CACNA1C: variants seen among roughly 807,000 people sequenced by gnomAD.
CACNA1C encodes calcium voltage-gated channel subunit alpha1 C.
Under a neutral mutation model 229.0 loss-of-function variants are expected in CACNA1C, and 30 were observed. The observed-to-expected ratio is 0.13, with a 90% CI of 0.10 to 0.18. CACNA1C has a LOEUF of 0.18. CACNA1C is among the 10% of genes least tolerant of loss of function. The pLI is 1.00. For synonymous variants in CACNA1C, 1,114 were observed against 1,132.5 expected (o/e 0.98, Z 0.33); for missense variants, 1,658 against 2,845.0 (o/e 0.58, Z 9.49).
intron 8 of CACNA1C, among the ~76,000 whole-genome samples, chr12:2,509,065 A>G (rs1422709897): frequency 6.6e-6 from 1 of 152,220 alleles, no homozygotes; most frequent in Non-Finnish European, 1.5e-5. Flanking sequence ...GTGCGCCTCC[A>G]GTTGGCAAGA....
At chr12:2,236,414 A>C (rs1215132791) in intron 3 of CACNA1C, among the ~76,000 whole-genome samples, 1 of 152,230 alleles carries the variant, frequency 6.6e-6, no homozygotes, top group Non-Finnish European at 1.5e-5. Flanking sequence ...GAGCTCTTTC[A>C]GCAATAGAAT....
chr12:2,239,889 G>A (rs144339000), intron 3 of CACNA1C, among the ~76,000 whole-genome samples: 101 of 152,328 alleles, frequency 6.6e-4, no homozygotes, highest in African/African-American at 2.4e-3. Context: ...GATGGCCAGG[G>A]GAGTGGGATG....
chr12:2,019,745 A>G (rs1461581290), intron 1 of CACNA1C, among the ~76,000 whole-genome samples: 3 of 152,188 alleles, frequency 2.0e-5, no homozygotes, highest in Non-Finnish European at 4.4e-5. Context: ...AGTGTCCATA[A>G]TATGTTAAGT....
At chr12:2,186,203 C>T (rs757057329) in intron 3 of CACNA1C, among the ~76,000 whole-genome samples, 8 of 152,174 alleles carry the variant, frequency 5.3e-5, no homozygotes, top group African/African-American at 9.7e-5. Context: ...TCTCCCTTCC[C>T]GACATGTGGC....
intron 8 of CACNA1C, among the ~76,000 whole-genome samples, chr12:2,509,268 G>C (rs1399260667): frequency 1.3e-5 from 2 of 152,198 alleles, no homozygotes; most frequent in Non-Finnish European, 2.9e-5. Flanking sequence ...GGACACACGT[G>C]CCTTGTGGGT....
At chr12:2,459,095 G>A (rs2099473014) in intron 5 of CACNA1C, among the ~76,000 whole-genome samples, 1 of 145,882 alleles carries the variant, frequency 6.9e-6, no homozygotes, top group South Asian at 2.1e-4. Context: ...CGATTCTCCT[G>A]CCTCAGCCTC....
intron 4 of CACNA1C, among the ~76,000 whole-genome samples, chr12:2,450,373 T>A (rs911141687): frequency 2.0e-5 from 3 of 151,132 alleles, no homozygotes; most frequent in Non-Finnish European, 4.4e-5. Flanking sequence ...GCTAACACGG[T>A]GAAACCCCGT....
At chr12:2,314,259 G>A (rs997472237) in intron 3 of CACNA1C, among the ~76,000 whole-genome samples, 2 of 152,118 alleles carry the variant, frequency 1.3e-5, no homozygotes, top group Non-Finnish European at 1.5e-5. Flanking sequence ...ATGTTCCAGC[G>A]GAGGCTACCC....
intron 1 of CACNA1C, among the ~76,000 whole-genome samples, chr12:2,022,154 G>T (rs150152771): frequency 0.025 from 3,739 of 152,186 alleles, 58 homozygotes; most frequent in Non-Finnish European, 0.038. Flanking sequence ...CTGCTGTATT[G>T]ACAGGGTCCC....
Position 2,240,798 on chromosome 12 carries a change from C to T in CACNA1C, c.477+120368C>T, listed in dbSNP as rs189660803. Among the ~76,000 whole-genome samples, 39 of 152,140 alleles carry T rather than the reference C, an allele frequency of 2.6e-4. No individual in the cohort carries two copies. In the East Asian group the frequency reaches 7.2e-3, roughly 28 times the overall value. ...CTCTTTTGGCCATTTTCCTTGCCCT[C>T]TCCCCCACCCCCTGACCTCTGGCAG... On this transcript the variant is annotated intron_variant, in intron 3 of 46. Coordinates refer to ENST00000399655, the MANE Select transcript of CACNA1C (RefSeq NM_000719.7).
rs143851933 is a variant in CACNA1C, at chr12:2,098,357, G to T, written c.50-16867G>T. Among the ~76,000 whole-genome samples the T allele has an allele frequency of 1.9e-3, 295 of 152,362 alleles. 1 individual carries two copies. Among genetic ancestry groups the T allele is most frequent in the African/African-American group, 6.8e-3 (281 of 41,586 alleles). ...ACAAAGCATTGTTATTAAACGGCCTGTGAGTGTGTAGAAATAAGCTGATGC... is the reference window on the plus strand; with the variant it reads ...ACAAAGCATTGTTATTAAACGGCCTTTGAGTGTGTAGAAATAAGCTGATGC... On this transcript the variant is annotated intron_variant, in intron 1 of 46. Transcript: ENST00000399655.
chr12:2,411,460 A>C (rs1473840216), intron 3 of CACNA1C, among the ~76,000 whole-genome samples: 2 of 152,106 alleles, frequency 1.3e-5, no homozygotes, highest in African/African-American at 4.8e-5. Flanking sequence ...ACAACTACAG[A>C]AGCCCTGCTC....
In CACNA1C at chr12:2,346,328, T is replaced by C. The variant is rs1354920439; in HGVS notation, c.478-102648T>C. On this transcript the variant is annotated intron_variant, in intron 3 of 46. Transcript: ENST00000399655. The surrounding 1 kb of genome is among the most constrained non-coding windows in gnomAD (Gnocchi z 4.4). Reference sequence around the variant, plus strand: ...ATTTCTGTGTGTCTGTGTGTCTTTGTAATGTGTGTGTGTGCCTATGTATGT... The same window carrying C: ...ATTTCTGTGTGTCTGTGTGTCTTTGCAATGTGTGTGTGTGCCTATGTATGT... Among the ~76,000 whole-genome samples the C allele has an allele frequency of 2.6e-5, 4 of 152,144 alleles. No individual in the cohort carries two copies. Among genetic ancestry groups the C allele is most frequent in the Non-Finnish European group, 5.9e-5 (4 of 68,020 alleles).
intron 3 of CACNA1C, among the ~76,000 whole-genome samples, chr12:2,378,507 G>A (rs1484281151): frequency 1.3e-5 from 2 of 152,204 alleles, no homozygotes; most frequent in African/African-American, 4.8e-5. Flanking sequence ...CAGTGTCTAC[G>A]GGGTGTACCA....
chr12:2,198,856 G>A (rs1477945561), intron 3 of CACNA1C, among the ~76,000 whole-genome samples: 1 of 152,084 alleles, frequency 6.6e-6, no homozygotes, highest in Non-Finnish European at 1.5e-5. Context: ...AGGTGAGGAT[G>A]CATTTTACTA....
intron 1 of CACNA1C, among the ~76,000 whole-genome samples, chr12:2,084,579 A>G (rs2066872678): frequency 6.6e-6 from 1 of 151,984 alleles, no homozygotes; most frequent in Non-Finnish European, 1.5e-5. Flanking sequence ...GTCAGCTTCT[A>G]CTTGCCAGTG....
At chr12:2,682,879 C>CAAA (rs369177818) in intron 43 of CACNA1C, among the ~76,000 whole-genome samples, 4 of 34,146 alleles carry the variant, frequency 1.2e-4, no homozygotes, top group East Asian at 1.1e-3. Context: ...CACACACACA[C>CAAA]CACACACACA....
At chr12:2,017,902 T>C (rs937988784) in intron 1 of CACNA1C, among the ~76,000 whole-genome samples, 2 of 152,092 alleles carry the variant, frequency 1.3e-5, no homozygotes, top group African/African-American at 2.4e-5. Context: ...CACCACAAAT[T>C]AGAAAAACCA....
At chr12:2,158,206 C>T (rs1281546404) in intron 3 of CACNA1C, among the ~76,000 whole-genome samples, 1 of 152,160 alleles carries the variant, frequency 6.6e-6, no homozygotes, top group African/African-American at 2.4e-5. Context: ...TCATTAAGTG[C>T]CCTTACAAAT....
Sources: gnomAD v4.1 joint callset for allele counts (sites outside exome capture counted in the v4.1 genomes callset) on GRCh38, gnomAD v4.1.1 for gene constraint, Gnocchi (gnomAD v3.1) non-coding constraint, MANE v1.5 for transcripts, NCBI Gene and HGNC (gene_info 2026-07-23, HGNC 2026-07-21) for gene names.